Variants in FAM171A1 observed in about 807,000 individuals in gnomAD.
FAM171A1 encodes protein FAM171A1.
Under a neutral mutation model 74.9 loss-of-function variants are expected in FAM171A1, and 23 were observed. The ratio of observed to expected loss-of-function variants is 0.31; its 90% CI spans 0.22 to 0.44. The LOEUF (loss-of-function observed/expected upper bound fraction) is 0.44, where lower values mean the gene tolerates loss of function less well. Among genes scored for constraint, FAM171A1 ranks in the 20% least tolerant of loss-of-function variants. The pLI, the probability that FAM171A1 is intolerant of heterozygous loss-of-function variation, is 1.00. For missense variants in FAM171A1, 1,162 were observed against 1,159.2 expected, an observed-to-expected ratio of 1.00 and a Z score of -0.03; for synonymous variants, 527 against 505.7, an observed-to-expected ratio of 1.04 and a Z score of -0.57.
chr10:15,353,317 A>G (rs1367527013), intron 1 of FAM171A1, among the ~76,000 whole-genome samples: 1 of 152,182 alleles, frequency 6.6e-6, no homozygotes, highest in Non-Finnish European at 1.5e-5. Context: ...GGAAGCAGAT[A>G]TTGACTTTTT....
At chr10:15,346,822 C>T (rs77801723) in intron 1 of FAM171A1, among the ~76,000 whole-genome samples, 281 of 152,334 alleles carry the variant, frequency 1.8e-3, no homozygotes, top group African/African-American at 5.9e-3. Flanking sequence ...CCAGAGTCTT[C>T]TGAGATTCTG....
chr10:15,300,662 C>A (rs34785392), intron 1 of FAM171A1, among the ~76,000 whole-genome samples: 1,731 of 140,870 alleles, frequency 0.012, 22 homozygotes, highest in Non-Finnish European at 0.019. Context: ...TTCAGAGTGC[C>A]GGGCTTTGGA....
chr10:15,328,402 T>G (rs1277571345), intron 1 of FAM171A1, among the ~76,000 whole-genome samples: 1 of 152,216 alleles, frequency 6.6e-6, no homozygotes, highest in Non-Finnish European at 1.5e-5. Flanking sequence ...CGCCTCGGCC[T>G]CCCAAAGGTG....
chr10:15,276,205 C>T (rs761960138), intron 2 of FAM171A1, among the ~76,000 whole-genome samples: 8 of 151,250 alleles, frequency 5.3e-5, no homozygotes, highest in Non-Finnish European at 7.4e-5. Context: ...TTTTCTGAGA[C>T]GGACTCTCGC....
chr10:15,355,105 G>T (rs1835918295), intron 1 of FAM171A1, among the ~76,000 whole-genome samples: 1 of 152,194 alleles, frequency 6.6e-6, no homozygotes. Flanking sequence ...TTGTTTGTTT[G>T]CAACAGGGTC....
chr10:15,345,359 CATAA>C (rs1382863404), intron 1 of FAM171A1, among the ~76,000 whole-genome samples: 1 of 152,160 alleles, frequency 6.6e-6, no homozygotes, highest in Non-Finnish European at 1.5e-5. Context: ...TGTGCCGTTC[CATAA>C]ATATTTTCTG....
At chr10:15,274,325 C>A (rs1588526912) in intron 3 of FAM171A1, among the ~76,000 whole-genome samples, 1 of 152,166 alleles carries the variant, frequency 6.6e-6, no homozygotes, top group Admixed American at 6.5e-5. Flanking sequence ...ATCCAACTTA[C>A]AAGGGATGTG....
intron 1 of FAM171A1, among the ~76,000 whole-genome samples, chr10:15,292,114 G>A (rs772549358): frequency 5.3e-5 from 8 of 152,096 alleles, no homozygotes; most frequent in South Asian, 2.1e-4. Flanking sequence ...GCATCCTCAC[G>A]TGGTGGAAGG....
chr10:15,335,318 TAAG>T (rs758100263), intron 1 of FAM171A1, among the ~76,000 whole-genome samples: 18 of 152,286 alleles, frequency 1.2e-4, no homozygotes, highest in Non-Finnish European at 2.1e-4. Flanking sequence ...AACACTGTGA[TAAG>T]AAGTCAACAC....
intron 4 of FAM171A1, among the ~76,000 whole-genome samples, chr10:15,249,148 G>T (rs1031721760): frequency 6.8e-6 from 1 of 147,766 alleles, no homozygotes; most frequent in Non-Finnish European, 1.5e-5. Flanking sequence ...CCAGGCTGGA[G>T]TGCGATGGCA....
chr10:15,350,061 G>A (rs1382614897), intron 1 of FAM171A1, among the ~76,000 whole-genome samples: 1 of 151,942 alleles, frequency 6.6e-6, no homozygotes, highest in Non-Finnish European at 1.5e-5. Flanking sequence ...CACGGCACCC[G>A]GTTCACAGAA....
At chr10:15,269,165 G>A (rs898330784) in intron 3 of FAM171A1, among the ~76,000 whole-genome samples, 4 of 152,144 alleles carry the variant, frequency 2.6e-5, no homozygotes, top group African/African-American at 9.7e-5. Flanking sequence ...TCAGGCTGGA[G>A]TGCAGTGATA....
intron 5 of FAM171A1, among the ~76,000 whole-genome samples, chr10:15,226,385 T>A (rs919477102): frequency 2.0e-5 from 3 of 152,186 alleles, no homozygotes; most frequent in Non-Finnish European, 4.4e-5. Flanking sequence ...TTCTACATCA[T>A]TGATTGTTAC....
intron 3 of FAM171A1, among the ~76,000 whole-genome samples, chr10:15,270,075 G>A (rs1347838169): frequency 1.3e-5 from 2 of 152,152 alleles, no homozygotes; most frequent in South Asian, 2.1e-4. Flanking sequence ...GGAGCATGGC[G>A]GAGCATCGCC....
intron 1 of FAM171A1, among the ~76,000 whole-genome samples, chr10:15,357,660 C>T (rs1490596207): frequency 6.6e-6 from 1 of 152,130 alleles, no homozygotes; most frequent in Non-Finnish European, 1.5e-5. Context: ...TAATGAGATA[C>T]ATGCTGAAGT....
chr10:15,359,829 A>G (rs2131888011), intron 1 of FAM171A1, among the ~76,000 whole-genome samples: 1 of 152,348 alleles, frequency 6.6e-6, no homozygotes, highest in East Asian at 1.9e-4. Context: ...AGGTGGCCTC[A>G]CGGAGGTCAG....
chr10:15,370,240 C>CTTTTTTTTTTTTT (rs34087157), intron 1 of FAM171A1, among the ~76,000 whole-genome samples: 1 of 110,866 alleles, frequency 9.0e-6, no homozygotes, highest in Non-Finnish European at 1.8e-5. Flanking sequence ...AAGGATTTTT[C>CTTTTTTTTTTTTT]TTTTTTTTTT....
At chr10:15,331,839 A>ATATG (rs1835636952) in intron 1 of FAM171A1, among the ~76,000 whole-genome samples, 1 of 105,840 alleles carries the variant, frequency 9.4e-6, no homozygotes, top group African/African-American at 3.1e-5. Context: ...GTGTATATAT[A>ATATG]TGTGTGTATA....
chr10:15,213,443 C>A lies in FAM171A1; in HGVS notation c.2145G>T (p.Arg715Ser), dbSNP rs1320735774. The A allele has an allele frequency of 1.2e-6, 2 of 1,614,070 alleles. No individual in the cohort carries two copies. Among genetic ancestry groups the A allele is most frequent in the African/African-American group, 2.7e-5 (2 of 74,932 alleles). The stretch of plus-strand genomic sequence containing the variant: ...ATGAATGTCTAACGTGAGCGTTGGA[C>A]CTGCCATCCAAGGAGACGAACCACG... Reference protein sequence around the residue: ...PRAWFVSLDGRSNAHVRHSYI... With the variant: ...PRAWFVSLDGSSNAHVRHSYI... Residue 715 changes from arginine (R) to serine (S), a missense_variant, in exon 8 of 8, where the codon AGG becomes AGT. Transcript: ENST00000378116. This position sits in a 1 kb window ranked among gnomAD's most constrained non-coding sequence, Gnocchi z 6.8.
Sources: gnomAD v4.1 joint callset for allele counts (sites outside exome capture counted in the v4.1 genomes callset) on GRCh38, gnomAD v4.1.1 for gene constraint, Gnocchi (gnomAD v3.1) non-coding constraint, MANE v1.5 for transcripts, NCBI Gene and HGNC (gene_info 2026-07-23, HGNC 2026-07-21) for gene names.